The following INVS variants were observed in gnomAD, a reference collection of about 807,000 sequenced individuals.
INVS encodes the protein inversion of embryo turning homolog.
In INVS, 86 loss-of-function variants were observed where a neutral mutation model predicts 108.8. The ratio of observed to expected loss-of-function variants is 0.79; its 90% confidence interval spans 0.66 to 0.95. INVS has a LOEUF of 0.95. INVS is among the 40% of genes least tolerant of loss of function. INVS has a pLI of 0.00. For missense variants in INVS, 1,169 were observed against 1,297.4 expected, an observed-to-expected ratio of 0.90 and a Z score of 1.52; for synonymous variants, 455 against 473.5, an observed-to-expected ratio of 0.96 and a Z score of 0.51.
At chr9:100,120,043 A>G (rs1252458473) in intron 2 of INVS, among the ~76,000 whole-genome samples, 1 of 152,166 alleles carries the variant, frequency 6.6e-6, no homozygotes, top group East Asian at 1.9e-4. Context: ...TTTTCTTTTC[A>G]TTCTTTCCCC....
chr9:100,191,761 T>C (rs1312721307), intron 3 of INVS, among the ~76,000 whole-genome samples: 3 of 152,196 alleles, frequency 2.0e-5, no homozygotes, highest in Non-Finnish European at 4.4e-5. Context: ...CCCTGTTTTG[T>C]CATATTGTCA....
At chr9:100,150,419 A>G (rs1828771809) in intron 3 of INVS, among the ~76,000 whole-genome samples, 1 of 152,216 alleles carries the variant, frequency 6.6e-6, no homozygotes, top group Admixed American at 6.5e-5. Context: ...AGGAAAAGAA[A>G]GAGTATATAT....
In INVS at chr9:100,301,027, G is replaced by C. The variant is rs1237819524; in HGVS notation, c.*353G>C. ...GGCTGCTGGGTTGGGATTTCTGCCA[G>C]CTAGCTGGTACTGGCTTCTTGTTTC... On this transcript the variant is annotated 3_prime_UTR_variant, in exon 17 of 17. Transcript: ENST00000262457. 5 of 314,536 alleles carry C rather than the reference G, an allele frequency of 1.6e-5. No homozygotes were observed. Among genetic ancestry groups the C allele is most frequent in the Non-Finnish European group, 2.4e-5 (4 of 163,318 alleles). The allele number at this position is 314,536 out of a possible 1,614,324, so 19.5% of individuals were successfully genotyped here.
At chr9:100,147,083 C>T (rs1828642285) in intron 3 of INVS, among the ~76,000 whole-genome samples, 1 of 152,140 alleles carries the variant, frequency 6.6e-6, no homozygotes, top group African/African-American at 2.4e-5. Context: ...TCTCTTCTTT[C>T]CCCTTTACCT....
rs1441028099 is a variant in INVS at position 100,299,658 on chromosome 9, A to C, written c.3092-910A>C. On this transcript the variant is annotated intron_variant, in intron 16 of 16. Coordinates refer to ENST00000262457, the MANE Select transcript of INVS (RefSeq NM_014425.5). ...TTGACACACACACACACACACACACACACACACACACACACACACACACCT... is the reference window on the plus strand; with the variant it reads ...TTGACACACACACACACACACACACCCACACACACACACACACACACACCT... 1.4e-4 allele frequency among the ~76,000 whole-genome samples: 7 copies of C among 49,384 alleles called. 1 individual carries two copies. Among genetic ancestry groups the C allele is most frequent in the African/African-American group, 2.4e-4 (2 of 8,466 alleles). The allele number at this position is 49,384 out of a possible 152,430, so 32.4% of individuals were successfully genotyped here. A position where few individuals can be genotyped will look rare whatever the true frequency, so the allele number is the denominator to read the frequency against.
intron 2 of INVS, among the ~76,000 whole-genome samples, chr9:100,105,058 C>T (rs1827129676): frequency 6.6e-6 from 1 of 152,010 alleles, no homozygotes; most frequent in African/African-American, 2.4e-5. Flanking sequence ...ATAGAGAGGT[C>T]CAATGCAGGA....
In INVS at chr9:100,153,361, A is replaced by T. The variant is rs530547601; in HGVS notation, c.273+26812A>T. Among the ~76,000 whole-genome samples the T allele has an allele frequency of 7.2e-5, 11 of 152,312 alleles. No homozygotes were observed. In the South Asian group the frequency reaches 2.3e-3, roughly 32 times the overall value. ...ATATAAGGTGGAGAAGAAAAAGACC[A>T]ATGATCCTATAAAAATGAGTAAGAG... On this transcript the variant is annotated intron_variant, in intron 3 of 16. Transcript: ENST00000262457.
intron 7 of INVS, among the ~76,000 whole-genome samples, chr9:100,243,108 C>T (rs1254224396): frequency 6.6e-6 from 1 of 152,138 alleles, no homozygotes; most frequent in African/African-American, 2.4e-5. Flanking sequence ...TTAAGCATAA[C>T]ATTTTACTTT....
chr9:100,223,024 T>G (rs1360574000), intron 3 of INVS, among the ~76,000 whole-genome samples: 2 of 152,036 alleles, frequency 1.3e-5, no homozygotes, highest in Non-Finnish European at 2.9e-5. Flanking sequence ...ATTTGAGAAT[T>G]AAGATTCTTA....
chr9:100,129,931 T>A, intron 3 of INVS: 1 of 436,430 alleles, frequency 2.3e-6, no homozygotes, highest in East Asian at 3.3e-5. Context: ...AGAGAAAGAA[T>A]GCAAGAATCT....
Position 100,181,601 on chromosome 9 carries a change from C to T in INVS, c.274-44461C>T, listed in dbSNP as rs373840144. ...TCAAGGAGAGCTATAAACCACTGCTCAAAGAAATAAGAGATGACACAAACA... is the reference window on the plus strand; with the variant it reads ...TCAAGGAGAGCTATAAACCACTGCTTAAAGAAATAAGAGATGACACAAACA... On this transcript the variant is annotated intron_variant, in intron 3 of 16. Transcript: ENST00000262457. Among the ~76,000 whole-genome samples the T allele has an allele frequency of 4.0e-5, 6 of 151,758 alleles. No individual in the cohort carries two copies. The East Asian group carries it at 5.8e-4, about 15-fold the overall frequency.
At chr9:100,175,278 A>G (rs1175580538) in intron 3 of INVS, 3 of 658,662 alleles carry the variant, frequency 4.6e-6, no homozygotes, top group Admixed American at 2.1e-5. Flanking sequence ...CCCAAAACAA[A>G]CTATCCATCC....
intron 3 of INVS, among the ~76,000 whole-genome samples, chr9:100,141,492 T>C (rs1316597921): frequency 6.6e-6 from 1 of 152,134 alleles, no homozygotes; most frequent in Non-Finnish European, 1.5e-5. Flanking sequence ...TCAGACTGTA[T>C]AGAGGTGGGA....
chr9:100,230,473 T>C (rs1195066747), intron 5 of INVS, among the ~76,000 whole-genome samples: 1 of 152,162 alleles, frequency 6.6e-6, no homozygotes, highest in Non-Finnish European at 1.5e-5. Flanking sequence ...TTGTTTTGTT[T>C]TTTTGCAGTG....
intron 8 of INVS, 23 bp from the exon 9 acceptor site, chr9:100,252,260 A>G (rs1321550522): frequency 1.2e-6 from 2 of 1,613,320 alleles, no homozygotes; most frequent in Admixed American, 1.7e-5. Flanking sequence ...CTAGTTCATC[A>G]CTTTCTGTTG....
intron 3 of INVS, among the ~76,000 whole-genome samples, chr9:100,173,116 C>G (rs570908689): frequency 7.9e-5 from 12 of 152,122 alleles, no homozygotes; most frequent in Non-Finnish European, 1.8e-4. Flanking sequence ...ATCTAGAAAG[C>G]CTTTTAAAGT....
At chr9:100,246,522 C>A in intron 7 of INVS, 94 bp from the exon 8 acceptor site, 1 of 851,064 alleles carries the variant, frequency 1.2e-6, no homozygotes, top group Non-Finnish European at 1.9e-6. Flanking sequence ...AAATGCTTTG[C>A]TTCTTAATGG....
chr9:100,182,507 G>A (rs959403916), intron 3 of INVS, among the ~76,000 whole-genome samples: 1 of 152,046 alleles, frequency 6.6e-6, no homozygotes, highest in South Asian at 2.1e-4. Flanking sequence ...CATTATTGCG[G>A]CCAACAAACA....
intron 7 of INVS, among the ~76,000 whole-genome samples, chr9:100,246,023 G>T (rs1832034809): frequency 2.0e-5 from 3 of 151,712 alleles, no homozygotes; most frequent in Admixed American, 2.0e-4. Context: ...AAATTAGCCG[G>T]GTGTGATGAC....
Sources: allele counts gnomAD v4.1 joint callset (sites outside exome capture counted in the v4.1 genomes callset), GRCh38; gene constraint gnomAD v4.1.1; transcripts MANE v1.5; gene names NCBI Gene and HGNC (gene_info 2026-07-23, HGNC 2026-07-21).